Variants in DCDC1 observed in about 807,000 individuals in gnomAD.
DCDC1 encodes the protein doublecortin domain-containing protein 1.
Under a neutral mutation model 178.3 loss-of-function variants are expected in DCDC1, and 200 were observed. That is an observed-to-expected ratio of 1.12 (90% confidence interval 1.00 to 1.26). The LOEUF (loss-of-function observed/expected upper bound fraction) is 1.26. DCDC1 is among the 50% of genes most tolerant of loss of function. The probability of loss-of-function intolerance (pLI) is 0.00; values close to 1 mark genes in which losing one functional copy is unlikely to be tolerated. For synonymous variants in DCDC1, 690 were observed against 604.8 expected, an observed-to-expected ratio of 1.14 and a Z score of -2.07; for missense variants, 1,983 against 1,749.2, an observed-to-expected ratio of 1.13 and a Z score of -2.38.
rs536218315 is a variant in DCDC1 at position 31,140,365 on chromosome 11, G to A, written c.1222-2581C>T. The stretch of plus-strand genomic sequence containing the variant: ...ATCAAATCCCCACCATGTAGGGGAG[G>A]AGGAAATCAAGTCACTTGGTTCTAA... On this transcript the variant is annotated intron_variant, in intron 9 of 38. Coordinates refer to ENST00000684477, the MANE Select transcript of DCDC1 (RefSeq NM_001387274.1). Among the ~76,000 whole-genome samples, 17 of 152,300 alleles carry A rather than the reference G, an allele frequency of 1.1e-4. 1 individual carries two copies. The highest frequency in any genetic ancestry group is 1.9e-4 in the East Asian group (1 of 5,188).
rs1276760155 is a variant in DCDC1, at chr11:31,306,282, T to G, written c.541A>C (p.Asn181His). The change falls in exon 5 of 39, where the codon AAT (asparagine) becomes CAT (histidine). Residue 181 changes from asparagine (N) to histidine (H), a missense_variant. By Grantham distance (68) the Asn-to-His change is moderately conservative. Transcript: ENST00000684477. Reference protein sequence around the residue: ...PRVIKVTAYKNGSRTVFARVT... With the variant: ...PRVIKVTAYKHGSRTVFARVT... The stretch of plus-strand genomic sequence containing the variant: ...CTGGCAAAGACTGTTCTAGATCCAT[T>G]TTTGTAAGCTGTTACTTTAATCACT... 6.2e-7 allele frequency: 1 copy of G among 1,610,030 alleles called. No homozygotes were observed. The highest frequency in any genetic ancestry group is 8.5e-7 in the Non-Finnish European group (1 of 1,177,950).
chr11:31,358,534 A>G (rs1392739978), intron 1 of DCDC1, among the ~76,000 whole-genome samples: 6 of 150,960 alleles, frequency 4.0e-5, no homozygotes, highest in African/African-American at 1.5e-4. Context: ...ATGGGCAAGG[A>G]CTTCATGTCT....
chr11:31,307,196 T>C (rs1008266445), intron 4 of DCDC1, among the ~76,000 whole-genome samples: 3 of 152,224 alleles, frequency 2.0e-5, no homozygotes, highest in African/African-American at 7.2e-5. Context: ...TTTTTACTAA[T>C]ATTTTCTTCT....
At chr11:31,100,722 C>G (rs138431244) in intron 15 of DCDC1, among the ~76,000 whole-genome samples, 1 of 151,980 alleles carries the variant, frequency 6.6e-6, no homozygotes, top group African/African-American at 2.4e-5. Flanking sequence ...AAGTTGAGAG[C>G]GGAGGTAGAT....
At chr11:31,244,897 T>C (rs1180251795) in intron 8 of DCDC1, among the ~76,000 whole-genome samples, 1 of 151,696 alleles carries the variant, frequency 6.6e-6, no homozygotes, top group Non-Finnish European at 1.5e-5. Context: ...CTGAGGCTGT[T>C]GATAAATCAT....
rs1235391453 is a variant in DCDC1, at chr11:31,290,588, T to A, written c.960+59A>T. On this transcript the variant is annotated intron_variant, in intron 7 of 38. Coordinates refer to ENST00000684477, the MANE Select transcript of DCDC1 (RefSeq NM_001387274.1). ...TATTTAGAAGAAGAAAACAACACAT[T>A]TCAACAGCCACAAAACTTTGAAATT... The A allele has an allele frequency of 4.0e-6, 6 of 1,495,614 alleles. No individual in the cohort carries two copies. The East Asian group carries it at 1.2e-4, about 30-fold the overall frequency. 92.6% of individuals were successfully genotyped at this position (1,495,614 alleles called of 1,614,324 possible).
intron 20 of DCDC1, among the ~76,000 whole-genome samples, chr11:30,995,942 A>G (rs1425286937): frequency 6.6e-6 from 1 of 152,142 alleles, no homozygotes; most frequent in Non-Finnish European, 1.5e-5. Context: ...AAAATTAAAA[A>G]CGTTTGCTCT....
At chr11:31,077,156 G>A (rs1956912104) in intron 18 of DCDC1, among the ~76,000 whole-genome samples, 1 of 152,132 alleles carries the variant, frequency 6.6e-6, no homozygotes, top group Admixed American at 6.5e-5. Context: ...TGGTTGGGAT[G>A]AGAACATTAG....
At chr11:31,195,577 C>A (rs916587923) in intron 9 of DCDC1, among the ~76,000 whole-genome samples, 1 of 152,000 alleles carries the variant, frequency 6.6e-6, no homozygotes, top group African/African-American at 2.4e-5. Context: ...AGCCTCAAAT[C>A]AAAGGTTACT....
intron 21 of DCDC1, among the ~76,000 whole-genome samples, chr11:30,932,200 G>A (rs1252957236): frequency 1.9e-5 from 1 of 53,772 alleles, no homozygotes; most frequent in African/African-American, 7.6e-5. Context: ...CCCTCTCAGA[G>A]AAACATCATT....
chr11:30,907,412 C>A (rs896248745), intron 29 of DCDC1, among the ~76,000 whole-genome samples: 3 of 152,160 alleles, frequency 2.0e-5, no homozygotes, highest in East Asian at 1.9e-4. Context: ...GTCCTCCAAT[C>A]GGGAAGTACG....
intron 38 of DCDC1, among the ~76,000 whole-genome samples, chr11:30,872,185 T>C (rs1334088649): frequency 6.6e-6 from 1 of 152,138 alleles, no homozygotes; most frequent in Non-Finnish European, 1.5e-5. Context: ...GTCATAACTA[T>C]TGCATGCACC....
intron 9 of DCDC1, among the ~76,000 whole-genome samples, chr11:31,184,898 C>A (rs1404415123): frequency 6.6e-6 from 1 of 152,152 alleles, no homozygotes; most frequent in African/African-American, 2.4e-5. Flanking sequence ...GCCCAGCAAT[C>A]CCATTACTGG....
chr11:31,150,599 T>C (rs1031815423), intron 9 of DCDC1, among the ~76,000 whole-genome samples: 1 of 152,158 alleles, frequency 6.6e-6, no homozygotes, highest in Non-Finnish European at 1.5e-5. Context: ...TATCTTTCTA[T>C]CTGTATAAAG....
intron 20 of DCDC1, among the ~76,000 whole-genome samples, chr11:31,026,519 A>G (rs947035448): frequency 1.3e-5 from 2 of 151,796 alleles, no homozygotes; most frequent in Admixed American, 6.6e-5. Flanking sequence ...GAGAACCTGA[A>G]ATTAATTTGT....
intron 7 of DCDC1, among the ~76,000 whole-genome samples, chr11:31,278,536 A>C (rs914922656): frequency 3.3e-5 from 5 of 152,134 alleles, no homozygotes; most frequent in African/African-American, 7.2e-5. Context: ...CTGGGAAGAT[A>C]TTGGCTAAAG....
intron 7 of DCDC1, among the ~76,000 whole-genome samples, chr11:31,278,731 C>G (rs1437417359): frequency 6.6e-6 from 1 of 151,974 alleles, no homozygotes; most frequent in East Asian, 1.9e-4. Context: ...CTTGGTTTCT[C>G]CATTCCACAA....
At chr11:31,294,053 CAAT>C (rs1186169060) in intron 6 of DCDC1, among the ~76,000 whole-genome samples, 4 of 152,182 alleles carry the variant, frequency 2.6e-5, no homozygotes. Context: ...ATTCATTCAA[CAAT>C]ATTTACTGGG....
intron 20 of DCDC1, among the ~76,000 whole-genome samples, chr11:30,975,296 C>G (rs1950041882): frequency 6.6e-6 from 1 of 152,128 alleles, no homozygotes; most frequent in African/African-American, 2.4e-5. Context: ...AACATTACCT[C>G]TAAGAACTGG....
Sources: allele counts gnomAD v4.1 joint callset (sites outside exome capture counted in the v4.1 genomes callset), GRCh38; gene constraint gnomAD v4.1.1; transcripts MANE v1.5; gene names NCBI Gene and HGNC (gene_info 2026-07-23, HGNC 2026-07-21).